TPD52L1: variants seen among roughly 807,000 people sequenced by gnomAD.
The protein encoded by TPD52L1 is TPD52 like 1, also known as tumor protein D53.
Under a neutral mutation model 28.7 loss-of-function variants are expected in TPD52L1, and 18 were observed. The observed-to-expected ratio is 0.63, with a 90% confidence interval of 0.43 to 0.93. TPD52L1 has a LOEUF of 0.93. Ranked by LOEUF, TPD52L1 falls within the 40% of genes least tolerant of loss-of-function variation. TPD52L1 has a pLI of 0.00. For missense variants in TPD52L1, 203 were observed against 254.8 expected, an observed-to-expected ratio of 0.80 and a Z score of 1.39; for synonymous variants, 75 against 88.8, an observed-to-expected ratio of 0.84 and a Z score of 0.88.
At chr6:125,199,762 T>C (rs1293936121) in intron 1 of TPD52L1, among the ~76,000 whole-genome samples, 2 of 152,254 alleles carry the variant, frequency 1.3e-5, no homozygotes, top group African/African-American at 4.8e-5. Flanking sequence ...GTGCTAGAAT[T>C]GAGCACTTAT....
intron 1 of TPD52L1, among the ~76,000 whole-genome samples, chr6:125,212,767 T>C (rs1290008559): frequency 1.3e-5 from 2 of 152,242 alleles, no homozygotes; most frequent in Admixed American, 6.5e-5. Flanking sequence ...ACAGTGAACA[T>C]TGTGACTTCT....
chr6:125,226,046 G>T (rs542780156), intron 2 of TPD52L1, among the ~76,000 whole-genome samples: 1 of 152,160 alleles, frequency 6.6e-6, no homozygotes, highest in African/African-American at 2.4e-5. Flanking sequence ...TCTTGGTTCT[G>T]TACAAAGAGA....
chr6:125,154,923 A>G (rs1373574995), intron 1 of TPD52L1, among the ~76,000 whole-genome samples: 1 of 149,668 alleles, frequency 6.7e-6, no homozygotes. Context: ...GTATAGATAA[A>G]ATCTCATTAA....
chr6:125,172,098 CCCTTTCTTTCTTTCTTTCTTTCTTTCTT>C (rs1562209684), intron 1 of TPD52L1, among the ~76,000 whole-genome samples: 2 of 77,446 alleles, frequency 2.6e-5, no homozygotes, highest in African/African-American at 1.7e-4. Flanking sequence ...TTCTTTCTTT[CCCTTTCTTTCTTTCTTTCTTTCTTTCTT>C]TCTTTCTTTC....
chr6:125,219,992 G>T, intron 1 of TPD52L1, 86 bp from the exon 2 acceptor site: 1 of 911,132 alleles, frequency 1.1e-6, no homozygotes. Context: ...GTCTGTCAGT[G>T]CATCTAGTCC....
chr6:125,262,848 T>A lies in TPD52L1; in HGVS notation c.501T>A (p.Gly167=). ...TVTSLKTKVG[G]TNPNGGSFEE... ...GCTCATTTCAGACGAAAGTAGGCGG[T>A]ACGAACCCTAATGGAGGCAGTTTTG... Residue 167 remains glycine (G), a synonymous_variant, in exon 7 of 7, where the codon GGT becomes GGA. Coordinates refer to ENST00000534000, the MANE Select transcript of TPD52L1 (RefSeq NM_003287.4). The A allele has an allele frequency of 6.2e-7, 1 of 1,614,064 alleles. No individual in the cohort carries two copies. Among genetic ancestry groups the A allele is most frequent in the Non-Finnish European group, 8.5e-7 (1 of 1,179,970 alleles).
At chr6:125,246,980 A>G (rs898493965) in intron 3 of TPD52L1, among the ~76,000 whole-genome samples, 2 of 152,170 alleles carry the variant, frequency 1.3e-5, no homozygotes, top group Non-Finnish European at 2.9e-5. Context: ...AATATTATAG[A>G]CAGATTCCAT....
rs1366761371 is a variant in TPD52L1 at position 125,153,975 on chromosome 6, G to A, written c.19+5G>A. On this transcript the variant is annotated splice_donor_5th_base_variant and intron_variant, in intron 1 of 6. Coordinates refer to ENST00000534000, the MANE Select transcript of TPD52L1 (RefSeq NM_003287.4). The stretch of plus-strand genomic sequence containing the variant: ...CCATGGAGGCGCAGGCACAAGGTGA[G>A]TGGTCGCCGATCGCCCCGAGAGTCA... 2.5e-6 allele frequency: 4 copies of A among 1,607,184 alleles called. No individual in the cohort carries two copies. The highest frequency in any genetic ancestry group is 2.5e-6 in the Non-Finnish European group (3 of 1,178,018).
At chr6:125,261,548 C>T (rs1798057588) in intron 6 of TPD52L1, 1 of 151,370 alleles carries the variant, frequency 6.6e-6, no homozygotes, top group Non-Finnish European at 1.5e-5. Flanking sequence ...TTGCACTAAG[C>T]ATTTTGCATC....
At chr6:125,227,903 G>A (rs1795710742) in intron 2 of TPD52L1, among the ~76,000 whole-genome samples, 1 of 152,144 alleles carries the variant, frequency 6.6e-6, no homozygotes, top group Non-Finnish European at 1.5e-5. Flanking sequence ...GAGGAAATAT[G>A]TCCATACGAA....
At chr6:125,243,320 C>A (rs1423275540) in intron 3 of TPD52L1, among the ~76,000 whole-genome samples, 1 of 152,062 alleles carries the variant, frequency 6.6e-6, no homozygotes, top group Non-Finnish European at 1.5e-5. Flanking sequence ...CACAGGAGTT[C>A]TTTGAGCTTC....
chr6:125,159,019 G>C (rs1025583893), intron 1 of TPD52L1, among the ~76,000 whole-genome samples: 3 of 152,212 alleles, frequency 2.0e-5, no homozygotes, highest in Non-Finnish European at 2.9e-5. Context: ...CTGGTGGAGG[G>C]TCTTGCCTGG....
At chr6:125,197,995 G>A (rs1045658795) in intron 1 of TPD52L1, among the ~76,000 whole-genome samples, 1 of 152,144 alleles carries the variant, frequency 6.6e-6, no homozygotes, top group Non-Finnish European at 1.5e-5. Flanking sequence ...AGTTAAATAA[G>A]AAGCAGCCAA....
intron 1 of TPD52L1, among the ~76,000 whole-genome samples, chr6:125,180,283 A>G (rs867744491): frequency 6.6e-6 from 1 of 152,018 alleles, no homozygotes; most frequent in Non-Finnish European, 1.5e-5. Flanking sequence ...TTTTTTGGGG[A>G]GAAGGTGGAA....
intron 3 of TPD52L1, among the ~76,000 whole-genome samples, chr6:125,246,622 A>C (rs1317191835): frequency 6.6e-6 from 1 of 152,180 alleles, no homozygotes; most frequent in Non-Finnish European, 1.5e-5. Flanking sequence ...AAAATGTAAA[A>C]ATAAAATTTA....
chr6:125,220,025 T>C (rs1795130447), intron 1 of TPD52L1, 53 bp from the exon 2 acceptor site: 1 of 1,269,364 alleles, frequency 7.9e-7, no homozygotes, highest in African/African-American at 1.5e-5. Context: ...AAGCAGAAGT[T>C]GGTTTAAATT....
At chr6:125,214,422 C>A (rs1794719695) in intron 1 of TPD52L1, 1 of 982,408 alleles carries the variant, frequency 1.0e-6, no homozygotes, top group South Asian at 4.7e-5. Flanking sequence ...TTCCTCTTCC[C>A]ACAATCTACC....
chr6:125,185,827 A>G (rs1251290529), intron 1 of TPD52L1, among the ~76,000 whole-genome samples: 1 of 152,054 alleles, frequency 6.6e-6, no homozygotes, highest in Non-Finnish European at 1.5e-5. Flanking sequence ...GAGAAAACAA[A>G]CATAACCAAA....
At chr6:125,251,708 C>T (rs1263402587) in intron 4 of TPD52L1, among the ~76,000 whole-genome samples, 1 of 152,188 alleles carries the variant, frequency 6.6e-6, no homozygotes, top group Non-Finnish European at 1.5e-5. Flanking sequence ...ATAACATTGG[C>T]ATCTTCTGGG....
Sources: gnomAD v4.1 joint callset for allele counts (sites outside exome capture counted in the v4.1 genomes callset) on GRCh38, gnomAD v4.1.1 for gene constraint, MANE v1.5 for transcripts, NCBI Gene and HGNC (gene_info 2026-07-23, HGNC 2026-07-21) for gene names.